Variants in OCM observed in about 807,000 individuals in gnomAD.
OCM encodes the protein oncomodulin-1.
OCM carries 18 observed loss-of-function variants against 14.1 expected under a neutral mutation model. The ratio of observed to expected loss-of-function variants is 1.28; its 90% confidence interval spans 0.88 to 1.89. The LOEUF is 1.89. Ranked by LOEUF, OCM falls within the 40% of genes most tolerant of loss-of-function variation. The pLI, the probability that OCM is intolerant of heterozygous loss-of-function variation, is 0.00. For synonymous variants in OCM, 48 were observed against 51.0 expected, an observed-to-expected ratio of 0.94 and a Z score of 0.25; for missense variants, 140 against 137.6, an observed-to-expected ratio of 1.02 and a Z score of -0.09.
intron 3 of OCM, among the ~76,000 whole-genome samples, chr7:5,884,365 A>C (rs1031615612): frequency 6.6e-6 from 1 of 152,318 alleles, no homozygotes; most frequent in Admixed American, 6.5e-5. Flanking sequence ...ACCCCTCAGA[A>C]TAAGGGAAAG....
At chr7:5,881,841 C>A (rs536709658) in intron 1 of OCM, among the ~76,000 whole-genome samples, 2 of 152,104 alleles carry the variant, frequency 1.3e-5, no homozygotes, top group East Asian at 3.9e-4. Context: ...AATCCCAACA[C>A]TTTGGGAGGC....
the OCM span, among the ~76,000 whole-genome samples, chr7:5,861,277 C>T: frequency 5.9e-5 from 9 of 151,940 alleles, no homozygotes; most frequent in Non-Finnish European, 7.4e-5. Context: ...CAAAATTAGC[C>T]GGGCTTGGTG....
the OCM span, among the ~76,000 whole-genome samples, chr7:5,871,182 C>CG: frequency 7.5e-5 from 11 of 147,010 alleles, no homozygotes; most frequent in Non-Finnish European, 1.3e-4. Flanking sequence ...GCCCCCCCCC[C>CG]GTCTCTACAA....
chr7:5,864,724 C>T, the OCM span, among the ~76,000 whole-genome samples: 7 of 152,122 alleles, frequency 4.6e-5, no homozygotes, highest in South Asian at 1.5e-3. Flanking sequence ...GGAGGCCAAG[C>T]CAGGCGGATC....
chr7:5,876,756 C>T (rs1286247672), upstream of OCM, among the ~76,000 whole-genome samples: 1 of 151,810 alleles, frequency 6.6e-6, no homozygotes, highest in Non-Finnish European at 1.5e-5. Context: ...ACTGTTTTAC[C>T]CAGGAAAGAG....
chr7:5,882,180 C>A (rs1971651), intron 1 of OCM, among the ~76,000 whole-genome samples: 32,699 of 148,456 alleles, frequency 0.22, 4,059 homozygotes, highest in Middle Eastern at 0.39. Context: ...ACCAATTAGA[C>A]CAGGGATGCT....
At chr7:5,865,636 A>T in the OCM span, among the ~76,000 whole-genome samples, 2 of 152,248 alleles carry the variant, frequency 1.3e-5, no homozygotes, top group Non-Finnish European at 2.9e-5. Flanking sequence ...CAAAAACCAC[A>T]ATAACTTTTG....
At chr7:5,881,581 G>C (rs1321295632) in intron 1 of OCM, among the ~76,000 whole-genome samples, 1 of 152,198 alleles carries the variant, frequency 6.6e-6, no homozygotes, top group South Asian at 2.1e-4. Context: ...GGTGAGCTAT[G>C]ATCGCTACAC....
At chr7:5,885,227 C>T (rs113132829) in intron 3 of OCM, among the ~76,000 whole-genome samples, 11,502 of 151,950 alleles carry the variant, frequency 0.076, 497 homozygotes, top group South Asian at 0.11. Flanking sequence ...AACATCCATA[C>T]CTTGTTATTA....
At chr7:5,874,416 TATC>T in the OCM span, among the ~76,000 whole-genome samples, 59 of 151,904 alleles carry the variant, frequency 3.9e-4, no homozygotes, top group East Asian at 3.3e-3. Context: ...ATAAACAACA[TATC>T]ATTATGCATA....
the OCM span, among the ~76,000 whole-genome samples, chr7:5,872,450 C>T: frequency 3.3e-5 from 5 of 152,260 alleles, no homozygotes; most frequent in South Asian, 1.0e-3. Flanking sequence ...AGAAGTATCT[C>T]ATTTATAAAT....
the OCM span, among the ~76,000 whole-genome samples, chr7:5,860,712 GTATA>G: frequency 2.9e-5 from 4 of 135,770 alleles, 1 homozygote; most frequent in Non-Finnish European, 6.3e-5. Flanking sequence ...ATATATACGT[GTATA>G]TATACGTGTA....
chr7:5,867,133 A>G, the OCM span, among the ~76,000 whole-genome samples: 1 of 151,962 alleles, frequency 6.6e-6, no homozygotes, highest in Non-Finnish European at 1.5e-5. Flanking sequence ...TTGTTTGTTC[A>G]TTTTCCTTGC....
At chr7:5,877,505 A>G (rs566771751), upstream of OCM, among the ~76,000 whole-genome samples, 2 of 151,358 alleles carry the variant, frequency 1.3e-5, no homozygotes, top group East Asian at 4.0e-4. Flanking sequence ...CAAATAAAAA[A>G]CATGAATCCA....
the OCM span, among the ~76,000 whole-genome samples, chr7:5,866,395 A>G: frequency 2.0e-5 from 1 of 49,670 alleles, no homozygotes; most frequent in Non-Finnish European, 3.1e-5. Context: ...GAAGAGAGGA[A>G]GGAAAGAAGG....
chr7:5,860,406 A>ATATATAT, the OCM span, among the ~76,000 whole-genome samples: 1 of 144,154 alleles, frequency 6.9e-6, no homozygotes, highest in Non-Finnish European at 1.5e-5. Context: ...ACGTGTATAT[A>ATATATAT]TACGTATATA....
chr7:5,881,146 A>T (rs1781207832), intron 1 of OCM, among the ~76,000 whole-genome samples, 196 bp downstream of exon 1: 1 of 151,806 alleles, frequency 6.6e-6, no homozygotes, highest in South Asian at 2.1e-4. Context: ...GTGAAACCCC[A>T]TCTCTACTAA....
At chr7:5,874,017 A>T in the OCM span, among the ~76,000 whole-genome samples, 1 of 150,560 alleles carries the variant, frequency 6.6e-6, no homozygotes, top group Non-Finnish European at 1.5e-5. Flanking sequence ...GGAGTTGGAG[A>T]CCAGCCTGGC....
the OCM span, among the ~76,000 whole-genome samples, chr7:5,861,431 A>AG: frequency 1.6e-4 from 25 of 152,144 alleles, no homozygotes; most frequent in South Asian, 4.6e-3. Flanking sequence ...TAAAAAAAAA[A>AG]AAAGAATCCC....
Sources: gnomAD v4.1 joint callset for allele counts (sites outside exome capture counted in the v4.1 genomes callset) on GRCh38, gnomAD v4.1.1 for gene constraint, MANE v1.5 for transcripts, NCBI Gene and HGNC (gene_info 2026-07-23, HGNC 2026-07-21) for gene names.